Variants in AGBL1 observed in about 807,000 individuals in gnomAD.
AGBL1 encodes the protein AGBL carboxypeptidase 1, also known as cytosolic carboxypeptidase 4.
AGBL1 carries 130 observed loss-of-function variants against 118.9 expected under a neutral mutation model. The observed-to-expected ratio is 1.09, with a 90% CI of 0.95 to 1.26. The LOEUF (loss-of-function observed/expected upper bound fraction) is 1.26. Ranked by LOEUF, AGBL1 falls within the 50% of genes most tolerant of loss-of-function variation. AGBL1 has a pLI of 0.00. For synonymous variants in AGBL1, 555 were observed against 478.9 expected, an observed-to-expected ratio of 1.16 and a Z score of -2.08; for missense variants, 1,584 against 1,298.1, an observed-to-expected ratio of 1.22 and a Z score of -3.38.
intron 5 of AGBL1, among the ~76,000 whole-genome samples, chr15:86,203,130 A>C (rs1316389062): frequency 6.6e-6 from 1 of 152,126 alleles, no homozygotes; most frequent in African/African-American, 2.4e-5. Flanking sequence ...GATGATGATG[A>C]TGATGCTAAT....
intron 5 of AGBL1, among the ~76,000 whole-genome samples, chr15:86,166,613 G>A (rs1172018384): frequency 6.6e-6 from 1 of 152,168 alleles, no homozygotes; most frequent in Non-Finnish European, 1.5e-5. Flanking sequence ...CTGTCACCTG[G>A]GTGGTGAACC....
intron 22 of AGBL1, among the ~76,000 whole-genome samples, chr15:86,745,726 C>A (rs2077746695): frequency 6.6e-6 from 1 of 152,080 alleles, no homozygotes; most frequent in South Asian, 2.1e-4. Flanking sequence ...TAACTCAGGT[C>A]TTTGGTGTAT....
chr15:86,682,220 T>G (rs2085972607), intron 22 of AGBL1, among the ~76,000 whole-genome samples: 1 of 152,188 alleles, frequency 6.6e-6, no homozygotes, highest in African/African-American at 2.4e-5. Context: ...TTATAGATTA[T>G]GAGTACCATA....
chr15:86,230,361 T>G (rs2078436133), intron 6 of AGBL1, among the ~76,000 whole-genome samples: 3 of 152,204 alleles, frequency 2.0e-5, no homozygotes. Flanking sequence ...AATCAGGTCT[T>G]TATAAGAATT....
intron 18 of AGBL1, among the ~76,000 whole-genome samples, chr15:86,483,592 A>AT (rs2082678587): frequency 6.6e-6 from 1 of 151,940 alleles, no homozygotes; most frequent in African/African-American, 2.4e-5. Context: ...TTTTATTTTT[A>AT]TTTTTCATTC....
intron 21 of AGBL1, among the ~76,000 whole-genome samples, chr15:86,665,980 G>A (rs1255992188): frequency 1.3e-5 from 2 of 152,004 alleles, no homozygotes; most frequent in Non-Finnish European, 2.9e-5. Context: ...TCATCATCGC[G>A]TAGAAGAGCT....
At position 86,357,428 on chromosome 15, in the gene AGBL1, A is replaced by G. The variant is rs186526721; in HGVS notation, c.2375-39938A>G. On this transcript the variant is annotated intron_variant, in intron 17 of 22. Transcript: ENST00000614907. ...TGGGCTTGTGCTTGATAACCCAGAT[A>G]TTAAAATTCACTGTTTCTATCAAAA... Among the ~76,000 whole-genome samples, 878 of 152,284 alleles carry G rather than the reference A, an allele frequency of 5.8e-3. 6 individuals are homozygous for G. The highest frequency in any genetic ancestry group is 0.01 in the Admixed American group (155 of 15,298).
At chr15:86,532,368 A>G (rs1310725577) in intron 19 of AGBL1, among the ~76,000 whole-genome samples, 1 of 149,586 alleles carries the variant, frequency 6.7e-6, no homozygotes, top group African/African-American at 2.5e-5. Context: ...CAATTGCTTC[A>G]AAGAGAATAA....
At chr15:87,031,414 C>T (rs1264195662), downstream of AGBL1, among the ~76,000 whole-genome samples, 1 of 151,622 alleles carries the variant, frequency 6.6e-6, no homozygotes, top group Non-Finnish European at 1.5e-5. Context: ...TAAGATAACA[C>T]AGACCAGCCT....
chr15:86,940,464 T>C (rs1254499134), intron 23 of AGBL1, among the ~76,000 whole-genome samples: 1 of 152,152 alleles, frequency 6.6e-6, no homozygotes, highest in Non-Finnish European at 1.5e-5. Flanking sequence ...CATTAAGTAC[T>C]GGTTATATGC....
At chr15:86,330,438 G>A (rs1400923873) in intron 17 of AGBL1, among the ~76,000 whole-genome samples, 1 of 152,130 alleles carries the variant, frequency 6.6e-6, no homozygotes, top group Non-Finnish European at 1.5e-5. Flanking sequence ...GGGAAGAGGG[G>A]AAAGGGAAAG....
At chr15:86,800,362 TTG>T (rs2078632858) in intron 22 of AGBL1, among the ~76,000 whole-genome samples, 1 of 152,120 alleles carries the variant, frequency 6.6e-6, no homozygotes, top group Non-Finnish European at 1.5e-5. Context: ...GTTTTTGTAT[TTG>T]TGTTTTTTCT....
intron 22 of AGBL1, among the ~76,000 whole-genome samples, chr15:86,771,119 G>A (rs1296166797): frequency 3.3e-5 from 5 of 152,012 alleles, no homozygotes; most frequent in Admixed American, 2.0e-4. Context: ...GTTGGTCCCT[G>A]AATCACTGCA....
intron 21 of AGBL1, among the ~76,000 whole-genome samples, chr15:86,609,934 C>T (rs1273132020): frequency 6.6e-6 from 1 of 152,098 alleles, no homozygotes; most frequent in Non-Finnish European, 1.5e-5. Flanking sequence ...TTTAATTGTG[C>T]CCATTTTATG....
rs1351656607 is a variant in AGBL1, at chr15:86,266,970, T to A, written c.1752-20T>A. The A allele has an allele frequency of 2.6e-6, 4 of 1,526,446 alleles. No homozygotes were observed. Among genetic ancestry groups the A allele is most frequent in the Non-Finnish European group, 3.6e-6 (4 of 1,120,606 alleles). 94.6% of individuals were successfully genotyped at this position (1,526,446 alleles called of 1,614,324 possible). ...AGTAGTGATAACACATATGTTCACA[T>A]GTTCCTTATTTCATTGTAGGCCTTT... On this transcript the variant is annotated intron_variant, in intron 12 of 22. Coordinates refer to ENST00000614907, the MANE Select transcript of AGBL1 (RefSeq NM_001386094.1).
chr15:86,153,889 C>T (rs2077151781), intron 3 of AGBL1, among the ~76,000 whole-genome samples: 1 of 152,116 alleles, frequency 6.6e-6, no homozygotes, highest in African/African-American at 2.4e-5. Context: ...CTTTCAAGTG[C>T]ATTTCTTTGA....
intron 22 of AGBL1, among the ~76,000 whole-genome samples, chr15:86,721,458 G>T: frequency 6.6e-6 from 1 of 152,130 alleles, no homozygotes; most frequent in Middle Eastern, 3.2e-3. Flanking sequence ...AACGCTTCAT[G>T]CTAAAAACTC....
At chr15:86,616,563 A>C (rs931005423) in intron 21 of AGBL1, among the ~76,000 whole-genome samples, 2 of 152,088 alleles carry the variant, frequency 1.3e-5, no homozygotes, top group African/African-American at 4.8e-5. Context: ...CTCTTGTCTG[A>C]TTTTGTTATT....
intron 23 of AGBL1, among the ~76,000 whole-genome samples, chr15:86,987,244 C>T (rs1165809232): frequency 6.6e-6 from 1 of 152,154 alleles, no homozygotes; most frequent in East Asian, 1.9e-4. Flanking sequence ...TTAGCTTGGG[C>T]TCAGAGGCCT....
Sources: allele counts gnomAD v4.1 joint callset (sites outside exome capture counted in the v4.1 genomes callset), GRCh38; gene constraint gnomAD v4.1.1; transcripts MANE v1.5; gene names NCBI Gene and HGNC (gene_info 2026-07-23, HGNC 2026-07-21).